The following PDE12 variants were observed in gnomAD, a reference collection of about 807,000 sequenced individuals.
The protein encoded by PDE12 is 2',5'-phosphodiesterase 12.
In PDE12, 26 loss-of-function variants were observed where a neutral mutation model predicts 45.4. That is an observed-to-expected ratio of 0.57 (90% confidence interval 0.42 to 0.79). The LOEUF (loss-of-function observed/expected upper bound fraction) is 0.79, where lower values mean the gene tolerates loss of function less well. Among genes scored for constraint, PDE12 ranks in the 30% least tolerant of loss-of-function variants. PDE12 has a pLI of 0.00. For missense variants in PDE12, 668 were observed against 790.0 expected (o/e 0.85, Z 1.85); for synonymous variants, 283 against 323.9 (o/e 0.87, Z 1.36).
the PDE12 span, among the ~76,000 whole-genome samples, chr3:57,629,693 T>C: frequency 6.6e-6 from 1 of 150,562 alleles, no homozygotes; most frequent in Non-Finnish European, 1.5e-5. Context: ...TTTTTTTTTT[T>C]TTGTATTTTC....
At chr3:57,569,589 C>T (rs2069816350), downstream of PDE12, among the ~76,000 whole-genome samples, 1 of 152,082 alleles carries the variant, frequency 6.6e-6, no homozygotes, top group Non-Finnish European at 1.5e-5. Context: ...CTCCCAACCT[C>T]AGGTGATCCA....
At chr3:57,616,901 G>A in the PDE12 span, among the ~76,000 whole-genome samples, 1 of 152,174 alleles carries the variant, frequency 6.6e-6, no homozygotes, top group Middle Eastern at 3.4e-3. Context: ...GTGCATGCCT[G>A]TAGTCCCAGC....
At chr3:57,634,673 T>C in the PDE12 span, 1 of 1,502,720 alleles carries the variant, frequency 6.7e-7, no homozygotes, top group South Asian at 1.3e-5. Flanking sequence ...ACCATATAAA[T>C]ATATATTTAA....
At chr3:57,590,220 C>T in the PDE12 span, among the ~76,000 whole-genome samples, 12 of 152,016 alleles carry the variant, frequency 7.9e-5, no homozygotes, top group African/African-American at 2.9e-4. Context: ...GGTGCAGTGG[C>T]TCACACCTGT....
At chr3:57,583,204 A>G in the PDE12 span, among the ~76,000 whole-genome samples, 1 of 152,196 alleles carries the variant, frequency 6.6e-6, no homozygotes, top group Admixed American at 6.5e-5. Context: ...GCTAGGACCT[A>G]TGGACTCAAT....
chr3:57,591,912 G>A, the PDE12 span, among the ~76,000 whole-genome samples: 3 of 152,268 alleles, frequency 2.0e-5, no homozygotes, highest in African/African-American at 7.2e-5. Context: ...AAGGGGAATG[G>A]GAATTATTAC....
At chr3:57,627,026 A>G in the PDE12 span, 1 of 152,204 alleles carries the variant, frequency 6.6e-6, no homozygotes, top group South Asian at 2.1e-4. Context: ...TGCCTTTGAA[A>G]TAAGAATAGT....
At chr3:57,584,557 GAC>G in the PDE12 span, 1 of 1,055,742 alleles carries the variant, frequency 9.5e-7, no homozygotes, top group Non-Finnish European at 1.4e-6. Flanking sequence ...ACTAGAAGTT[GAC>G]TGTTCAAGAC....
the PDE12 span, among the ~76,000 whole-genome samples, chr3:57,607,123 C>A: frequency 6.6e-6 from 1 of 152,158 alleles, no homozygotes; most frequent in Non-Finnish European, 1.5e-5. Context: ...GCTGCTGATA[C>A]CTAGGCAAAC....
the PDE12 span, chr3:57,630,841 A>G: frequency 6.2e-7 from 1 of 1,610,752 alleles, no homozygotes; most frequent in Non-Finnish European, 8.5e-7. Context: ...AACAGGACAT[A>G]TAATATTTAG....
chr3:57,559,975 G>A lies in PDE12; in HGVS notation c.1801G>A (p.Ala601Thr), dbSNP rs2069710037. The A allele has an allele frequency of 1.9e-6, 3 of 1,608,624 alleles. No homozygotes were observed. Among genetic ancestry groups the A allele is most frequent in the Non-Finnish European group, 2.5e-6 (3 of 1,178,250 alleles). ...TGTTTCCCATCCCTCTGATCACATA[G>A]CACTTGTATGTGATTTAAAATGGAA... ...PSVSHPSDHI[A>T]LVCDLKWK Residue 601 changes from alanine (A) to threonine (T), a missense_variant, in exon 3 of 3, where the codon GCA (alanine) becomes ACA (threonine). Ala to Thr is a moderately conservative substitution (Grantham distance 58, BLOSUM62 0). Around this residue, in one of 3 missense-constraint regions of PDE12, gnomAD observed 79 missense variants for 97.9 expected, o/e 0.81. Coordinates refer to ENST00000311180, the MANE Select transcript of PDE12 (RefSeq NM_177966.7).
downstream of PDE12, among the ~76,000 whole-genome samples, chr3:57,567,633 A>ATATT (rs1372245829): frequency 6.6e-6 from 1 of 152,206 alleles, no homozygotes; most frequent in Non-Finnish European, 1.5e-5. Flanking sequence ...TAGTAGAAAT[A>ATATT]TATTTTCCCT....
At chr3:57,598,799 CA>C in the PDE12 span, among the ~76,000 whole-genome samples, 3 of 151,932 alleles carry the variant, frequency 2.0e-5, no homozygotes, top group Non-Finnish European at 4.4e-5. Flanking sequence ...ACAACAACAA[CA>C]AAAAAACCCC....
the PDE12 span, among the ~76,000 whole-genome samples, chr3:57,643,599 G>A: frequency 1.3e-5 from 2 of 151,818 alleles, no homozygotes; most frequent in Non-Finnish European, 1.5e-5. Context: ...AGGCTGAGGC[G>A]GGTGGATCAC....
chr3:57,560,902 T>G lies in PDE12; in HGVS notation c.*898T>G. 1.0e-6 allele frequency: 1 copy of G among 985,096 alleles called. No homozygotes were observed. 61.0% of individuals were successfully genotyped at this position (985,096 alleles called of 1,614,324 possible). ...GCGATTTACTACAATTTCAGAGCTT[T>G]AACAAAAGATAAAAATAAATCGTCA... On this transcript the variant is annotated 3_prime_UTR_variant, in exon 3 of 3. Transcript: ENST00000311180.
At chr3:57,615,735 C>T in the PDE12 span, among the ~76,000 whole-genome samples, 20 of 151,694 alleles carry the variant, frequency 1.3e-4, no homozygotes, top group East Asian at 1.9e-4. Flanking sequence ...ACCCAGGAGA[C>T]GGAGGTTGCA....
At chr3:57,617,882 A>G in the PDE12 span, among the ~76,000 whole-genome samples, 1 of 152,036 alleles carries the variant, frequency 6.6e-6, no homozygotes, top group Admixed American at 6.6e-5. Flanking sequence ...TAAAAAAAAA[A>G]AACAAAAAAA....
the PDE12 span, among the ~76,000 whole-genome samples, chr3:57,613,294 CA>C: frequency 7.6e-6 from 1 of 132,384 alleles, no homozygotes; most frequent in Non-Finnish European, 1.6e-5. Flanking sequence ...AAAAAAAAAA[CA>C]ACTTTTTTTT....
At chr3:57,608,187 T>C in the PDE12 span, among the ~76,000 whole-genome samples, 9 of 152,190 alleles carry the variant, frequency 5.9e-5, no homozygotes, top group East Asian at 1.2e-3. Flanking sequence ...AAGCAAATGC[T>C]GAGAGATTTT....
Sources: gnomAD v4.1 joint callset for allele counts (sites outside exome capture counted in the v4.1 genomes callset) on GRCh38, gnomAD v4.1.1 for gene constraint, gnomAD v4.1.1 regional missense constraint, MANE v1.5 for transcripts, NCBI Gene and HGNC (gene_info 2026-07-23, HGNC 2026-07-21) for gene names.